Variants in TNFRSF19 observed in about 807,000 individuals in gnomAD.
TNFRSF19 encodes the protein TNF receptor superfamily member 19, also known as tumor necrosis factor receptor superfamily member 19.
Under a neutral mutation model 46.4 loss-of-function variants are expected in TNFRSF19, and 27 were observed. The ratio of observed to expected loss-of-function variants is 0.58; its 90% CI spans 0.43 to 0.80. The LOEUF is 0.80. Among genes scored for constraint, TNFRSF19 ranks in the 30% least tolerant of loss-of-function variants. The probability of loss-of-function intolerance (pLI) is 0.00; values close to 1 mark genes in which losing one functional copy is unlikely to be tolerated. For missense variants in TNFRSF19, 511 were observed against 530.8 expected (o/e 0.96, Z 0.37); for synonymous variants, 204 against 205.0 (o/e 1.00, Z 0.04).
chr13:23,658,898 G>A (rs1884153955), intron 5 of TNFRSF19, 152 bp from the exon 6 acceptor site: 3 of 899,468 alleles, frequency 3.3e-6, no homozygotes, highest in Admixed American at 2.1e-5. Flanking sequence ...GACATCTTCT[G>A]GGTGGAGGGG....
At chr13:23,633,686 T>G (rs1882495216) in intron 5 of TNFRSF19, among the ~76,000 whole-genome samples, 2 of 151,930 alleles carry the variant, frequency 1.3e-5, no homozygotes, top group Admixed American at 6.6e-5. Flanking sequence ...CTGTCTCTAT[T>G]AAAAATACAA....
chr13:23,588,923 G>C (rs1879047556), intron 1 of TNFRSF19, among the ~76,000 whole-genome samples: 1 of 152,252 alleles, frequency 6.6e-6, no homozygotes, highest in Non-Finnish European at 1.5e-5. Flanking sequence ...CCCAGGCAGT[G>C]GACGTGGTTC....
In TNFRSF19 at chr13:23,669,017, C is replaced by T; in HGVS notation, c.1165C>T (p.Gln389Ter). Residue 389 changes from glutamine (Q) to a stop codon, truncating the protein, a stop_gained, in exon 9 of 10, where the codon CAG becomes TAG. Coordinates refer to ENST00000248484, the MANE Select transcript of TNFRSF19 (RefSeq NM_148957.4). LOFTEE classifies it high-confidence loss of function. ...NNTLVESAST[Q>*]DALTMRSQLD... is the part of the protein sequence containing the mutation. ...CACACTGGTAGAATCAGCATCAACTCAGGATGCACTAACTATGAGAAGCCA... is the reference window on the plus strand; with the variant it reads ...CACACTGGTAGAATCAGCATCAACTTAGGATGCACTAACTATGAGAAGCCA... 6.2e-7 allele frequency: 1 copy of T among 1,614,202 alleles called. No individual in the cohort carries two copies. Among genetic ancestry groups the T allele is most frequent in the Non-Finnish European group, 8.5e-7 (1 of 1,180,036 alleles).
At chr13:23,609,685 T>C (rs1880763730) in intron 3 of TNFRSF19, among the ~76,000 whole-genome samples, 1 of 152,240 alleles carries the variant, frequency 6.6e-6, no homozygotes, top group Non-Finnish European at 1.5e-5. Flanking sequence ...AACAACAACA[T>C]ACTTTCCTCC....
intron 1 of TNFRSF19, among the ~76,000 whole-genome samples, chr13:23,574,998 C>T (rs1458631651): frequency 6.6e-6 from 1 of 152,228 alleles, no homozygotes; most frequent in Non-Finnish European, 1.5e-5. Flanking sequence ...TTCCTTCCAA[C>T]ATAACCCACT....
rs1883835142 is a variant in TNFRSF19 at position 23,654,267 on chromosome 13, G to T, written c.446-4783G>T. Among the ~76,000 whole-genome samples the T allele has an allele frequency of 2.0e-5, 3 of 152,194 alleles. No homozygotes were observed. In the South Asian group the frequency reaches 6.2e-4, roughly 32 times the overall value. On this transcript the variant is annotated intron_variant, in intron 5 of 9. Transcript: ENST00000248484. ...CAGTAGAAGGCAGAGGAGGGAGCCT[G>T]GCAAGCCCAGGCGGAGTCCAGCTGT...
chr13:23,664,796 A>C (rs1364158239), intron 7 of TNFRSF19, among the ~76,000 whole-genome samples: 1 of 152,234 alleles, frequency 6.6e-6, no homozygotes. Context: ...TATGTGGTGT[A>C]GCCCATTGCC....
rs1884236102 is a variant in TNFRSF19, at chr13:23,659,798, C to T, written c.611-567C>T. On this transcript the variant is annotated intron_variant, in intron 6 of 9. Coordinates refer to ENST00000248484, the MANE Select transcript of TNFRSF19 (RefSeq NM_148957.4). This position sits in a 1 kb window ranked among gnomAD's most constrained non-coding sequence, Gnocchi z 4.9. ...GAGATGACAGATGTGAGCCACTGCA[C>T]CGGCCTATTATATGTATTATGCCCT... Among the ~76,000 whole-genome samples the T allele has an allele frequency of 1.3e-5, 2 of 152,158 alleles. No homozygotes were observed. The highest frequency in any genetic ancestry group is 1.9e-4 in the East Asian group (1 of 5,190).
At chr13:23,575,702 G>C (rs781438251) in intron 1 of TNFRSF19, among the ~76,000 whole-genome samples, 10 of 152,138 alleles carry the variant, frequency 6.6e-5, no homozygotes, top group Non-Finnish European at 1.0e-4. Context: ...GTAAACCAAA[G>C]AGACAAAATT....
intron 4 of TNFRSF19, among the ~76,000 whole-genome samples, chr13:23,618,713 G>A (rs1001634263): frequency 6.6e-6 from 1 of 152,204 alleles, no homozygotes. Context: ...TTGTACACTA[G>A]TGTTCGTAGC....
intron 5 of TNFRSF19, among the ~76,000 whole-genome samples, chr13:23,644,848 TG>T: frequency 6.9e-6 from 1 of 143,950 alleles, no homozygotes; most frequent in Non-Finnish European, 1.5e-5. Flanking sequence ...TATATATATT[TG>T]GGCGAAGTTT....
At chr13:23,662,716 T>G (rs1176708407) in intron 7 of TNFRSF19, among the ~76,000 whole-genome samples, 1 of 152,238 alleles carries the variant, frequency 6.6e-6, no homozygotes, top group African/African-American at 2.4e-5. Flanking sequence ...AGCAGTGTTT[T>G]GTAATTCTCT....
chr13:23,573,327 A>G (rs1337801004), intron 1 of TNFRSF19, among the ~76,000 whole-genome samples: 1 of 151,946 alleles, frequency 6.6e-6, no homozygotes, highest in Non-Finnish European at 1.5e-5. Flanking sequence ...TCGTCTGATT[A>G]TTTTCCAACT....
intron 5 of TNFRSF19, among the ~76,000 whole-genome samples, chr13:23,634,589 T>C (rs1882558166): frequency 6.6e-6 from 1 of 152,238 alleles, no homozygotes; most frequent in African/African-American, 2.4e-5. Context: ...AAACAGTGCA[T>C]TGGTGGCCAC....
chr13:23,662,720 A>G (rs558505276), intron 7 of TNFRSF19, among the ~76,000 whole-genome samples: 15 of 151,490 alleles, frequency 9.9e-5, no homozygotes, highest in African/African-American at 3.6e-4. Flanking sequence ...GTGTTTTGTA[A>G]TTCTCTTTTA....
chr13:23,593,420 T>G lies in TNFRSF19; in HGVS notation c.145T>G (p.Cys49Gly). ...FRDRSGNCVPCNQCGPGMELS... is the reference protein window; with the variant it reads ...FRDRSGNCVPGNQCGPGMELS... The stretch of plus-strand genomic sequence containing the variant: ...GGATCGGTCTGGAAACTGTGTTCCC[T>G]GCAACCAGTGTGGGCCAGGCATGGA... Residue 49 changes from cysteine to glycine, a missense_variant, in exon 3 of 10, where the codon TGC becomes GGC. Physicochemically the swap from Cys to Gly is radical, Grantham distance 159 (BLOSUM62 -3). Coordinates refer to ENST00000248484, the MANE Select transcript of TNFRSF19 (RefSeq NM_148957.4). 6.2e-7 allele frequency: 1 copy of G among 1,603,946 alleles called. No homozygotes were observed.
At chr13:23,582,133 C>G (rs1309136281) in intron 1 of TNFRSF19, among the ~76,000 whole-genome samples, 1 of 150,744 alleles carries the variant, frequency 6.6e-6, no homozygotes, top group Non-Finnish European at 1.5e-5. Flanking sequence ...GTAATCCCAG[C>G]ACTTTGGGAG....
At chr13:23,647,632 C>A (rs527656698) in intron 5 of TNFRSF19, among the ~76,000 whole-genome samples, 1 of 152,142 alleles carries the variant, frequency 6.6e-6, no homozygotes, top group Non-Finnish European at 1.5e-5. Context: ...CTCAAGCAAT[C>A]CTTCCACTTC....
intron 5 of TNFRSF19, among the ~76,000 whole-genome samples, chr13:23,648,412 C>T (rs976828112): frequency 3.9e-5 from 6 of 152,122 alleles, no homozygotes; most frequent in African/African-American, 7.2e-5. Context: ...TATAAAAATA[C>T]AGCTGATTTT....
Sources: gnomAD v4.1 joint callset for allele counts (sites outside exome capture counted in the v4.1 genomes callset) on GRCh38, gnomAD v4.1.1 for gene constraint, Gnocchi (gnomAD v3.1) non-coding constraint, MANE v1.5 for transcripts, NCBI Gene and HGNC (gene_info 2026-07-23, HGNC 2026-07-21) for gene names.